MACROD2: variants seen among roughly 807,000 people sequenced by gnomAD.
MACROD2 encodes the protein mono-ADP ribosylhydrolase 2, also known as ADP-ribose glycohydrolase MACROD2.
In MACROD2, 36 loss-of-function variants were observed where a neutral mutation model predicts 70.4. The observed-to-expected ratio is 0.51, with a 90% confidence interval of 0.39 to 0.68. MACROD2 has a LOEUF of 0.68. Among genes scored for constraint, MACROD2 ranks in the 30% least tolerant of loss-of-function variants. The pLI is 0.00. For missense variants in MACROD2, 496 were observed against 538.4 expected, an observed-to-expected ratio of 0.92 and a Z score of 0.78; for synonymous variants, 172 against 178.8, an observed-to-expected ratio of 0.96 and a Z score of 0.30.
chr20:15,968,416 G>C (rs982999814), intron 13 of MACROD2, among the ~76,000 whole-genome samples: 7 of 151,922 alleles, frequency 4.6e-5, no homozygotes, highest in African/African-American at 1.7e-4. Context: ...ATGCCACCCA[G>C]GTACCCTTTC....
chr20:14,747,059 A>G (rs2071808444), intron 5 of MACROD2, among the ~76,000 whole-genome samples: 1 of 152,190 alleles, frequency 6.6e-6, no homozygotes, highest in Non-Finnish European at 1.5e-5. Context: ...TTAACCCATC[A>G]TATGTCCAGT....
At chr20:15,981,565 A>C (rs1463283399) in intron 13 of MACROD2, among the ~76,000 whole-genome samples, 1 of 152,168 alleles carries the variant, frequency 6.6e-6, no homozygotes, top group Admixed American at 6.5e-5. Flanking sequence ...CAAACATAAC[A>C]TGAAGTGATA....
intron 1 of MACROD2, among the ~76,000 whole-genome samples, chr20:13,998,349 T>G (rs568739490): frequency 2.0e-5 from 3 of 152,242 alleles, no homozygotes; most frequent in Admixed American, 6.5e-5. Flanking sequence ...TGTTTTAAAT[T>G]GATCTCGTTT....
chr20:14,246,837 G>C (rs1405995151), intron 3 of MACROD2, among the ~76,000 whole-genome samples: 3 of 152,022 alleles, frequency 2.0e-5, no homozygotes, highest in African/African-American at 7.2e-5. Context: ...AGCTCCATTT[G>C]CCGCTACAAA....
chr20:15,237,054 G>T (rs575412518), intron 6 of MACROD2, among the ~76,000 whole-genome samples: 2 of 152,276 alleles, frequency 1.3e-5, no homozygotes, highest in South Asian at 4.1e-4. Context: ...GGACAGGGAT[G>T]TTGTGACATG....
rs1366742467 is a variant in MACROD2, at chr20:15,922,048, GCAGGACAAGCA to G, written c.776-11227_776-11217del. ...TTAACTCCCCAGCACCTCAGTATTG[GCAGGACAAGCA>G]TCCTGTTGAGACCAGAAAAAGCCCT... On this transcript the variant is annotated intron_variant, in intron 10 of 17. Coordinates refer to ENST00000684519, the MANE Select transcript of MACROD2 (RefSeq NM_001351661.2). Among the ~76,000 whole-genome samples, 3 of 152,176 alleles carry G rather than the reference GCAGGACAAGCA, an allele frequency of 2.0e-5. No homozygotes were observed. The East Asian group carries it at 5.8e-4, about 29-fold the overall frequency.
intron 5 of MACROD2, among the ~76,000 whole-genome samples, chr20:15,015,056 A>T (rs922917538): frequency 6.6e-6 from 1 of 152,128 alleles, no homozygotes; most frequent in African/African-American, 2.4e-5. Context: ...TTTAGAATGG[A>T]TCAGGATGTC....
chr20:14,059,885 C>T (rs534521504), intron 2 of MACROD2, among the ~76,000 whole-genome samples: 1 of 152,226 alleles, frequency 6.6e-6, no homozygotes, highest in Admixed American at 6.5e-5. Context: ...GGATGCTTTT[C>T]TGAGGAGGTG....
At chr20:15,656,828 GC>G (rs1402444621) in intron 8 of MACROD2, among the ~76,000 whole-genome samples, 1 of 151,894 alleles carries the variant, frequency 6.6e-6, no homozygotes, top group African/African-American at 2.4e-5. Flanking sequence ...CTCCAGTCCT[GC>G]CCCCAAGAAT....
At chr20:14,413,399 T>C (rs892192940) in intron 3 of MACROD2, among the ~76,000 whole-genome samples, 2 of 152,054 alleles carry the variant, frequency 1.3e-5, no homozygotes, top group African/African-American at 4.8e-5. Context: ...TGAACAATGT[T>C]CATGTATACT....
At chr20:14,305,148 G>A (rs2082509020) in intron 3 of MACROD2, among the ~76,000 whole-genome samples, 1 of 152,160 alleles carries the variant, frequency 6.6e-6, no homozygotes, top group Non-Finnish European at 1.5e-5. Flanking sequence ...AAAGATGCAT[G>A]CTTTGCCTTC....
At chr20:14,953,500 G>A (rs2074492067) in intron 5 of MACROD2, among the ~76,000 whole-genome samples, 2 of 152,198 alleles carry the variant, frequency 1.3e-5, no homozygotes, top group South Asian at 2.1e-4. Flanking sequence ...TAGAGATGGG[G>A]TTTCACGTGT....
At chr20:14,859,897 C>A (rs1255872191) in intron 5 of MACROD2, among the ~76,000 whole-genome samples, 1 of 152,056 alleles carries the variant, frequency 6.6e-6, no homozygotes, top group African/African-American at 2.4e-5. Flanking sequence ...GGACAGGGGT[C>A]TTTGGAGGTC....
chr20:15,186,849 C>T lies in MACROD2; in HGVS notation c.419-43091C>T, dbSNP rs542085011. ...TATCTTAGAAGTCTCATTTGTGTTCCTAACTGCTTCAAAAGTATGCTAGCT... is the reference window on the plus strand; with the variant it reads ...TATCTTAGAAGTCTCATTTGTGTTCTTAACTGCTTCAAAAGTATGCTAGCT... On this transcript the variant is annotated intron_variant, in intron 5 of 17. Transcript: ENST00000684519. Among the ~76,000 whole-genome samples the T allele has an allele frequency of 1.4e-3, 219 of 152,250 alleles. 1 individual carries two copies. The highest frequency in any genetic ancestry group is 4.9e-3 in the African/African-American group (205 of 41,548).
chr20:15,952,086 C>T (rs1325616650), intron 12 of MACROD2, among the ~76,000 whole-genome samples: 1 of 152,058 alleles, frequency 6.6e-6, no homozygotes, highest in Non-Finnish European at 1.5e-5. Context: ...GGGGGAGTTT[C>T]CCTGCATAAG....
chr20:14,174,340 C>G (rs1343087005), intron 3 of MACROD2, among the ~76,000 whole-genome samples: 1 of 152,042 alleles, frequency 6.6e-6, no homozygotes, highest in African/African-American at 2.4e-5. Context: ...GCGGGTCTTG[C>G]TGTGGCTGCT....
intron 8 of MACROD2, among the ~76,000 whole-genome samples, chr20:15,548,716 G>A (rs1346206602): frequency 1.3e-5 from 2 of 152,132 alleles, no homozygotes; most frequent in South Asian, 2.1e-4. Context: ...TTTACTAATA[G>A]AATTAAGCAG....
At position 15,589,884 on chromosome 20, in the gene MACROD2, C is replaced by G. The variant is rs1314437103; in HGVS notation, c.645+90037C>G. On this transcript the variant is annotated intron_variant, in intron 8 of 17. Coordinates refer to ENST00000684519, the MANE Select transcript of MACROD2 (RefSeq NM_001351661.2). ...TGTAATCCCCACATAAATTTTTGACCTAAATTTGTGGTTTCTAGAGTACAC... is the reference window on the plus strand; with the variant it reads ...TGTAATCCCCACATAAATTTTTGACGTAAATTTGTGGTTTCTAGAGTACAC... Among the ~76,000 whole-genome samples the G allele has an allele frequency of 3.9e-5, 6 of 151,936 alleles. 1 individual carries two copies. The highest frequency in any genetic ancestry group is 8.8e-5 in the Non-Finnish European group (6 of 68,012).
intron 5 of MACROD2, among the ~76,000 whole-genome samples, chr20:15,167,902 A>G (rs533020248): frequency 1.3e-5 from 2 of 152,312 alleles, no homozygotes; most frequent in African/African-American, 4.8e-5. Context: ...TTACCTTTGC[A>G]GAGACCACAA....
Sources: gnomAD v4.1 joint callset for allele counts (sites outside exome capture counted in the v4.1 genomes callset) on GRCh38, gnomAD v4.1.1 for gene constraint, MANE v1.5 for transcripts, NCBI Gene and HGNC (gene_info 2026-07-23, HGNC 2026-07-21) for gene names.